INPP5F: variants seen among roughly 807,000 people sequenced by gnomAD.
INPP5F encodes the protein inositol polyphosphate-5-phosphatase F.
Under a neutral mutation model 137.2 loss-of-function variants are expected in INPP5F, and 97 were observed. The observed-to-expected ratio is 0.71, with a 90% CI of 0.60 to 0.84. INPP5F has a LOEUF of 0.84. Among genes scored for constraint, INPP5F ranks in the 40% least tolerant of loss-of-function variants. INPP5F has a pLI of 0.00. For synonymous variants in INPP5F, 504 were observed against 476.9 expected (o/e 1.06, Z -0.74); for missense variants, 1,271 against 1,371.9 (o/e 0.93, Z 1.16).
chr10:119,746,320 T>C lies in INPP5F; in HGVS notation c.98-4756T>C, dbSNP rs574087863. ...CCGTGACTGCTTTAACTCTGTTTTT[T>C]CCTTCCTTTTCTGTATTCCTAAAGC... On this transcript the variant is annotated intron_variant, in intron 1 of 19. Transcript: ENST00000650623. Among the ~76,000 whole-genome samples, 36 of 152,340 alleles carry C rather than the reference T, an allele frequency of 2.4e-4. 1 individual carries two copies. The East Asian group carries it at 4.1e-3, about 17-fold the overall frequency.
At chr10:119,777,336 C>T (rs571755886) in intron 2 of INPP5F, among the ~76,000 whole-genome samples, 5 of 152,134 alleles carry the variant, frequency 3.3e-5, no homozygotes, top group East Asian at 3.9e-4. Flanking sequence ...GGTGAAATCC[C>T]GTCCCTACTA....
intron 17 of INPP5F, 27 bp from the exon 18 acceptor site, chr10:119,823,044 T>C (rs2289307): frequency 0.33 from 518,576 of 1,592,522 alleles, 86,503 homozygotes; most frequent in Non-Finnish European, 0.34. Context: ...AACATTTAAC[T>C]TTATACGTAT....
intron 9 of INPP5F, 67 bp downstream of exon 9, chr10:119,798,677 A>G (rs1366529365): frequency 2.6e-6 from 3 of 1,135,402 alleles, no homozygotes; most frequent in South Asian, 2.6e-5. Context: ...TTTAAGTTTC[A>G]TAAAAATAAC....
rs1851874420 is a variant in INPP5F at position 119,828,760 on chromosome 10, T to C, written c.*980T>C. 1 of 152,270 alleles carries C rather than the reference T, an allele frequency of 6.6e-6. No individual in the cohort carries two copies. The highest frequency in any genetic ancestry group is 6.5e-5 in the Admixed American group (1 of 15,276). The allele number at this position is 152,270 out of a possible 1,614,324, so 9.4% of individuals were successfully genotyped here. On this transcript the variant is annotated 3_prime_UTR_variant, in exon 20 of 20. Transcript: ENST00000650623. ...CTGTGTTTCTAGCTACGCAGGAGGA[T>C]TGCTTGAGCCCATGAGATTGAGGCT...
chr10:119,729,744 ATTTTTTT>A lies in INPP5F; in HGVS notation c.97+3399_97+3405del, dbSNP rs34359657. On this transcript the variant is annotated intron_variant, in intron 1 of 19. Coordinates refer to ENST00000650623, the MANE Select transcript of INPP5F (RefSeq NM_014937.4). The stretch of plus-strand genomic sequence containing the variant: ...ATGTGTGTGCTACCACACCTGGCTA[ATTTTTTT>A]TTTTTTTTTTTTTGGTAGAGATGGA... Among the ~76,000 whole-genome samples, 17 of 128,238 alleles carry A rather than the reference ATTTTTTT, an allele frequency of 1.3e-4. No individual in the cohort carries two copies. In the East Asian group the frequency reaches 2.2e-3, roughly 17 times the overall value. 84.1% of individuals were successfully genotyped at this position (128,238 alleles called of 152,430 possible). A position where few individuals can be genotyped will look rare whatever the true frequency, so the allele number is the denominator to read the frequency against.
intron 9 of INPP5F, among the ~76,000 whole-genome samples, chr10:119,799,002 T>G (rs1659074802): frequency 6.6e-6 from 1 of 152,114 alleles, no homozygotes; most frequent in Admixed American, 6.6e-5. Flanking sequence ...TATAACAATC[T>G]AAGAAGCATC....
intron 6 of INPP5F, chr10:119,793,491 G>A (rs1360760204): frequency 6.6e-6 from 1 of 152,370 alleles, no homozygotes; most frequent in Non-Finnish European, 1.5e-5. Flanking sequence ...GATTTGAAGT[G>A]GATGCTGAGA....
intron 2 of INPP5F, among the ~76,000 whole-genome samples, chr10:119,766,985 A>G (rs550235787): frequency 2.6e-5 from 4 of 151,582 alleles, no homozygotes; most frequent in Admixed American, 1.3e-4. Flanking sequence ...GGAGCCTGCA[A>G]TCCCAGCTAC....
intron 14 of INPP5F, among the ~76,000 whole-genome samples, 174 bp downstream of exon 14, chr10:119,810,391 A>G (rs1850981735): frequency 6.6e-6 from 1 of 152,182 alleles, no homozygotes; most frequent in Admixed American, 6.5e-5. Flanking sequence ...AATTTGACAA[A>G]TATTTTTGGC....
chr10:119,765,369 G>A (rs1464158438), intron 2 of INPP5F, among the ~76,000 whole-genome samples: 1 of 151,896 alleles, frequency 6.6e-6, no homozygotes, highest in East Asian at 1.9e-4. Context: ...AAAGTTGTAT[G>A]TGGATATTGT....
intron 1 of INPP5F, among the ~76,000 whole-genome samples, chr10:119,744,151 T>C (rs553086941): frequency 3.9e-5 from 6 of 152,354 alleles, no homozygotes; most frequent in South Asian, 2.1e-4. Context: ...CTGATCTCTT[T>C]ATAAGAAATT....
At chr10:119,775,773 T>C (rs900964440) in intron 2 of INPP5F, among the ~76,000 whole-genome samples, 2 of 152,174 alleles carry the variant, frequency 1.3e-5, no homozygotes, top group Non-Finnish European at 2.9e-5. Flanking sequence ...TCTACTTTTA[T>C]GTATGTTTGA....
At chr10:119,772,007 C>G (rs904415062) in intron 2 of INPP5F, among the ~76,000 whole-genome samples, 2 of 147,236 alleles carry the variant, frequency 1.4e-5, no homozygotes, top group African/African-American at 2.5e-5. Flanking sequence ...ACGCCATTCT[C>G]CTGCCTCAGC....
chr10:119,827,868 C>A lies in INPP5F; in HGVS notation c.*88C>A. On this transcript the variant is annotated 3_prime_UTR_variant, in exon 20 of 20. Coordinates refer to ENST00000650623, the MANE Select transcript of INPP5F (RefSeq NM_014937.4). Reference sequence around the variant, plus strand: ...GGTATTTTAATTGTACTGTCTGAACCCAGGGATCACAAATTCTGTTCATTG... The same window carrying A: ...GGTATTTTAATTGTACTGTCTGAACACAGGGATCACAAATTCTGTTCATTG... 1 of 981,880 alleles carries A rather than the reference C, an allele frequency of 1.0e-6. No homozygotes were observed. Among genetic ancestry groups the A allele is most frequent in the Non-Finnish European group, 1.5e-6 (1 of 665,472 alleles). The allele number at this position is 981,880 out of a possible 1,614,324, so 60.8% of individuals were successfully genotyped here.
At position 119,821,015 on chromosome 10, in the gene INPP5F, TTTG is replaced by T. The variant is rs1322759234; in HGVS notation, c.1958+101_1958+103del. The T allele has an allele frequency of 2.5e-4, 194 of 775,298 alleles. No homozygotes were observed. The African/African-American group carries it at 3.0e-3, about 12-fold the overall frequency. 48.0% of individuals were successfully genotyped at this position (775,298 alleles called of 1,614,324 possible). ...TAACAAAAAAATGTGAGAATATGGTTTTGTTATGTATTTTATGAAACTTCATTG... is the reference window on the plus strand; with the variant it reads ...TAACAAAAAAATGTGAGAATATGGTTTTATGTATTTTATGAAACTTCATTG... On this transcript the variant is annotated intron_variant, in intron 16 of 19. Coordinates refer to ENST00000650623, the MANE Select transcript of INPP5F (RefSeq NM_014937.4).
intron 6 of INPP5F, among the ~76,000 whole-genome samples, chr10:119,795,735 G>A (rs1850351857): frequency 6.6e-6 from 1 of 152,110 alleles, no homozygotes; most frequent in Non-Finnish European, 1.5e-5. Flanking sequence ...GCTGCTGGGA[G>A]GTGGAGGTTG....
chr10:119,812,808 A>G (rs778739879), intron 15 of INPP5F, among the ~76,000 whole-genome samples: 3 of 152,186 alleles, frequency 2.0e-5, no homozygotes, highest in Non-Finnish European at 2.9e-5. Context: ...TTCCTCACAC[A>G]CAACCTAGCA....
chr10:119,731,948 G>A (rs762658743), intron 1 of INPP5F, among the ~76,000 whole-genome samples: 1 of 150,778 alleles, frequency 6.6e-6, no homozygotes, highest in African/African-American at 2.4e-5. Flanking sequence ...GTATGACTAC[G>A]TTTATTTCCC....
chr10:119,731,410 T>C (rs1420589588), intron 1 of INPP5F, among the ~76,000 whole-genome samples: 1 of 152,042 alleles, frequency 6.6e-6, no homozygotes, highest in Non-Finnish European at 1.5e-5. Flanking sequence ...GCGCCTGTAA[T>C]CCCAGCACTT....
Sources: gnomAD v4.1 joint callset for allele counts (sites outside exome capture counted in the v4.1 genomes callset) on GRCh38, gnomAD v4.1.1 for gene constraint, MANE v1.5 for transcripts, NCBI Gene and HGNC (gene_info 2026-07-23, HGNC 2026-07-21) for gene names.